KIAA0513: variants seen among roughly 807,000 people sequenced by gnomAD.
KIAA0513 encodes the protein uncharacterized protein KIAA0513.
Under a neutral mutation model 56.5 loss-of-function variants are expected in KIAA0513, and 39 were observed. The observed-to-expected ratio is 0.69, with a 90% CI of 0.53 to 0.90. KIAA0513 has a LOEUF of 0.90. KIAA0513 is among the 40% of genes least tolerant of loss of function. KIAA0513 has a pLI of 0.00. For missense variants in KIAA0513, 591 were observed against 535.2 expected, an observed-to-expected ratio of 1.10 and a Z score of -1.03; for synonymous variants, 268 against 215.6, an observed-to-expected ratio of 1.24 and a Z score of -2.13.
At chr16:85,045,877 C>T (rs1308276441) in intron 1 of KIAA0513, among the ~76,000 whole-genome samples, 1 of 152,192 alleles carries the variant, frequency 6.6e-6, no homozygotes, top group Non-Finnish European at 1.5e-5. Flanking sequence ...TCCATCTGCC[C>T]ATCTGGCTTG....
At chr16:85,065,299 C>T (rs1489684512) in intron 1 of KIAA0513, among the ~76,000 whole-genome samples, 1 of 152,212 alleles carries the variant, frequency 6.6e-6, no homozygotes, top group Middle Eastern at 3.2e-3. Context: ...GGGGACGCAG[C>T]TGGCGAGGGG....
intron 1 of KIAA0513, among the ~76,000 whole-genome samples, chr16:85,045,686 A>T (rs1319285756): frequency 1.3e-5 from 2 of 152,146 alleles, no homozygotes; most frequent in Admixed American, 1.3e-4. Flanking sequence ...CATGACATGG[A>T]ATTCCTGGAA....
At chr16:85,036,353 C>T (rs1482266838) in intron 1 of KIAA0513, among the ~76,000 whole-genome samples, 3 of 152,212 alleles carry the variant, frequency 2.0e-5, no homozygotes, top group Non-Finnish European at 2.9e-5. Flanking sequence ...CCAAACTGGC[C>T]TCTGACAACC....
intron 11 of KIAA0513, 84 bp from the exon 12 acceptor site, chr16:85,086,987 TG>T: frequency 7.7e-7 from 1 of 1,296,850 alleles, no homozygotes; most frequent in Non-Finnish European, 1.1e-6. Flanking sequence ...CAGGCCATGG[TG>T]GGCGTCCCAG....
intron 2 of KIAA0513, among the ~76,000 whole-genome samples, chr16:85,069,411 C>T (rs1040479038): frequency 2.0e-5 from 3 of 152,012 alleles, no homozygotes; most frequent in Non-Finnish European, 4.4e-5. Context: ...GCATGGGGCC[C>T]TTCCCTGGAT....
In KIAA0513 at chr16:85,091,379, G is replaced by A. The variant is rs2073865795; in HGVS notation, c.*3054G>A. ...TGCGCATGTTTAACCACAGGCCAGA[G>A]AACTCAATTCTGATGTCGTAAGTTC... On this transcript the variant is annotated 3_prime_UTR_variant, in exon 13 of 13. Transcript: ENST00000683363. The A allele has an allele frequency of 6.6e-6, 1 of 152,218 alleles. No individual in the cohort carries two copies. Among genetic ancestry groups the A allele is most frequent in the South Asian group, 2.1e-4 (1 of 4,832 alleles). The allele number at this position is 152,218 out of a possible 1,614,324, so 9.4% of individuals were successfully genotyped here.
chr16:85,065,161 A>G (rs1210278620), intron 1 of KIAA0513, among the ~76,000 whole-genome samples: 1 of 152,198 alleles, frequency 6.6e-6, no homozygotes, highest in Non-Finnish European at 1.5e-5. Context: ...AATGCCGGGC[A>G]TGTTACTGTG....
intron 7 of KIAA0513, 83 bp downstream of exon 7, chr16:85,078,538 C>T: frequency 1.5e-6 from 2 of 1,341,760 alleles, no homozygotes; most frequent in East Asian, 2.4e-5. Context: ...GCCTCTGGGG[C>T]TTTCCTGCCT....
chr16:85,082,108 C>G (rs1366624038), intron 9 of KIAA0513, among the ~76,000 whole-genome samples: 2 of 152,190 alleles, frequency 1.3e-5, no homozygotes, highest in East Asian at 3.9e-4. Flanking sequence ...ACCCTTCACT[C>G]TTGTCAGGAG....
intron 1 of KIAA0513, among the ~76,000 whole-genome samples, chr16:85,058,409 T>C (rs1225000783): frequency 6.6e-6 from 1 of 152,148 alleles, no homozygotes; most frequent in Non-Finnish European, 1.5e-5. Context: ...ATCCCAGCAC[T>C]TAGGGAGGCC....
At chr16:85,030,856 T>A (rs1313614512) in intron 1 of KIAA0513, among the ~76,000 whole-genome samples, 1 of 152,038 alleles carries the variant, frequency 6.6e-6, no homozygotes, top group African/African-American at 2.4e-5. Context: ...AAAAAGGAAT[T>A]CACGGGGAGG....
chr16:85,079,067 G>A (rs1336694683), intron 8 of KIAA0513, 64 bp downstream of exon 8: 1 of 1,612,806 alleles, frequency 6.2e-7, no homozygotes, highest in Non-Finnish European at 8.5e-7. Context: ...CACTCCCCGG[G>A]ATCACTTCTA....
rs1035882103 is a variant in KIAA0513 at position 85,090,341 on chromosome 16, C to T, written c.*2016C>T. 12 of 152,180 alleles carry T rather than the reference C, an allele frequency of 7.9e-5. No individual in the cohort carries two copies. The highest frequency in any genetic ancestry group is 1.7e-4 in the African/African-American group (7 of 41,424). 9.4% of individuals were successfully genotyped at this position (152,180 alleles called of 1,614,324 possible). The stretch of plus-strand genomic sequence containing the variant: ...TCAGCGTTCTTAGTCATGCATTATT[C>T]GTGTTAGCTGAAATGCATTCAGACT... On this transcript the variant is annotated 3_prime_UTR_variant, in exon 13 of 13. Coordinates refer to ENST00000683363, the MANE Select transcript of KIAA0513 (RefSeq NM_001388359.1).
chr16:85,072,028 C>G, intron 3 of KIAA0513, 146 bp downstream of exon 3: 1 of 617,408 alleles, frequency 1.6e-6, no homozygotes, highest in Non-Finnish European at 2.9e-6. Flanking sequence ...TAAAACTTAT[C>G]CAAAAATACT....
chr16:85,052,241 A>C (rs890599766), intron 1 of KIAA0513, among the ~76,000 whole-genome samples: 1 of 151,908 alleles, frequency 6.6e-6, no homozygotes, highest in Non-Finnish European at 1.5e-5. Context: ...AATCGCTTGA[A>C]CCCTGGAGGT....
chr16:85,047,178 T>A (rs1453354233), intron 1 of KIAA0513, among the ~76,000 whole-genome samples: 1 of 152,214 alleles, frequency 6.6e-6, no homozygotes, highest in Non-Finnish European at 1.5e-5. Context: ...TGTCCACTCT[T>A]CAGATCTGTC....
chr16:85,050,845 T>A (rs1055807280), intron 1 of KIAA0513, among the ~76,000 whole-genome samples: 2 of 152,196 alleles, frequency 1.3e-5, no homozygotes, highest in Non-Finnish European at 2.9e-5. Flanking sequence ...GAGCCTGCCC[T>A]TCACAGGCGT....
intron 4 of KIAA0513, among the ~76,000 whole-genome samples, chr16:85,073,421 C>G (rs2073608767): frequency 6.6e-6 from 1 of 152,236 alleles, no homozygotes; most frequent in Non-Finnish European, 1.5e-5. Flanking sequence ...TCCCTGCGAA[C>G]ACTGATTAGG....
At chr16:85,066,255 T>C (rs1199703168) in intron 1 of KIAA0513, among the ~76,000 whole-genome samples, 1 of 151,306 alleles carries the variant, frequency 6.6e-6, no homozygotes, top group Non-Finnish European at 1.5e-5. Flanking sequence ...GAGGAAAAAG[T>C]TGGGGAATGG....
Sources: gnomAD v4.1 joint callset for allele counts (sites outside exome capture counted in the v4.1 genomes callset) on GRCh38, gnomAD v4.1.1 for gene constraint, MANE v1.5 for transcripts, NCBI Gene and HGNC (gene_info 2026-07-23, HGNC 2026-07-21) for gene names.